RUNX1T1: variants seen among roughly 807,000 people sequenced by gnomAD.
RUNX1T1 encodes RUNX1 partner transcriptional co-repressor 1.
A neutral mutation model predicts 62.8 loss-of-function variants in RUNX1T1; 4 were observed. That is an observed-to-expected ratio of 0.06 (90% CI 0.03 to 0.15). The LOEUF is 0.15. Among genes scored for constraint, RUNX1T1 ranks in the 10% least tolerant of loss-of-function variants. The pLI, the probability that RUNX1T1 is intolerant of heterozygous loss-of-function variation, is 1.00. For synonymous variants in RUNX1T1, 291 were observed against 286.0 expected (o/e 1.02, Z -0.18); for missense variants, 508 against 754.3 (o/e 0.67, Z 3.82).
intron 1 of RUNX1T1, among the ~76,000 whole-genome samples, chr8:92,040,398 G>A (rs1828222741): frequency 6.6e-6 from 1 of 152,098 alleles, no homozygotes; most frequent in South Asian, 2.1e-4. Flanking sequence ...TTAAAAGGCC[G>A]AGTCTACATC....
chr8:91,989,829 T>C (rs997220060), intron 6 of RUNX1T1, among the ~76,000 whole-genome samples: 2 of 152,186 alleles, frequency 1.3e-5, no homozygotes. Context: ...GATCAAGAAA[T>C]AGCATAACCA....
At chr8:92,012,422 G>C (rs1478544936) in intron 3 of RUNX1T1, among the ~76,000 whole-genome samples, 1 of 152,004 alleles carries the variant, frequency 6.6e-6, no homozygotes, top group Admixed American at 6.6e-5. Context: ...TAGTTTCAGG[G>C]GAGGCTGGGA....
At chr8:92,018,803 G>A (rs752823041) in intron 1 of RUNX1T1, among the ~76,000 whole-genome samples, 16 of 152,100 alleles carry the variant, frequency 1.1e-4, no homozygotes, top group Non-Finnish European at 1.9e-4. Flanking sequence ...ATAAGAGAAT[G>A]AAAATAATCA....
chr8:92,003,421 C>T, intron 5 of RUNX1T1: 1 of 455,362 alleles, frequency 2.2e-6, no homozygotes, highest in Non-Finnish European at 4.4e-6. Flanking sequence ...TTTTCATATT[C>T]CCTGTTATGG....
chr8:91,966,316 G>T (rs889691678), intron 10 of RUNX1T1, among the ~76,000 whole-genome samples: 3 of 151,956 alleles, frequency 2.0e-5, no homozygotes, highest in African/African-American at 7.3e-5. Context: ...TACACAGGTG[G>T]CATTTCCAGT....
At chr8:92,003,208 C>A in intron 5 of RUNX1T1, 1 of 374,826 alleles carries the variant, frequency 2.7e-6, no homozygotes, top group Non-Finnish European at 5.4e-6. Context: ...CTGATGCATG[C>A]ACAGCGACAG....
chr8:91,981,615 C>A (rs866041309), intron 8 of RUNX1T1, among the ~76,000 whole-genome samples: 9 of 151,640 alleles, frequency 5.9e-5, no homozygotes, highest in Admixed American at 6.6e-5. Flanking sequence ...CGGGGTTTCA[C>A]CGTGTTAGCC....
chr8:91,959,685 G>A lies in RUNX1T1; in HGVS notation c.*557C>T, dbSNP rs373322292. 6.0e-4 allele frequency: 138 copies of A among 228,256 alleles called. 1 individual carries two copies. The South Asian group carries it at 0.024, about 39-fold the overall frequency. The allele number at this position is 228,256 out of a possible 1,614,324, so 14.1% of individuals were successfully genotyped here. A position where few individuals can be genotyped will look rare whatever the true frequency, so the allele number is the denominator to read the frequency against. ...CTTCCAATCTGCTGCACATCTGCGC[G>A]TTTTGTAGCGGGTCTTCAAAGTTCA... is the stretch of plus-strand genomic sequence containing the variant. On this transcript the variant is annotated 3_prime_UTR_variant, in exon 11 of 11. Transcript: ENST00000396218.
intron 3 of RUNX1T1, among the ~76,000 whole-genome samples, chr8:92,012,035 G>A (rs1251248765): frequency 1.3e-5 from 2 of 152,104 alleles, no homozygotes; most frequent in African/African-American, 4.8e-5. Context: ...GTGACCTAAC[G>A]TCATTACAAT....
At chr8:92,051,366 T>C (rs1830201355) in intron 1 of RUNX1T1, among the ~76,000 whole-genome samples, 1 of 152,144 alleles carries the variant, frequency 6.6e-6, no homozygotes, top group Admixed American at 6.6e-5. Flanking sequence ...TACAAATGAT[T>C]CCACAAGGCA....
chr8:92,036,021 C>A (rs376279189), intron 1 of RUNX1T1, among the ~76,000 whole-genome samples: 11 of 152,250 alleles, frequency 7.2e-5, no homozygotes, highest in Non-Finnish European at 1.6e-4. Context: ...AATGTAGCCT[C>A]ATTTCTATTT....
intron 10 of RUNX1T1, among the ~76,000 whole-genome samples, chr8:91,961,061 CCTCT>C (rs926590467): frequency 3.3e-5 from 5 of 152,320 alleles, no homozygotes; most frequent in Admixed American, 1.3e-4. Context: ...AGTCCTTTAA[CCTCT>C]CTATGTCTTT....
chr8:92,041,851 C>T (rs1052084639), intron 1 of RUNX1T1, among the ~76,000 whole-genome samples: 1 of 147,852 alleles, frequency 6.8e-6, no homozygotes, highest in Non-Finnish European at 1.5e-5. Flanking sequence ...GATAGTCTCT[C>T]TCTGTTGTCC....
At chr8:92,027,882 T>C (rs919841691) in intron 1 of RUNX1T1, among the ~76,000 whole-genome samples, 7 of 152,068 alleles carry the variant, frequency 4.6e-5, no homozygotes, top group Non-Finnish European at 8.8e-5. Context: ...GAATTCCCCT[T>C]CCCTTCCTCT....
chr8:91,957,762 C>T (rs1415017108), downstream of RUNX1T1: 2 of 225,566 alleles, frequency 8.9e-6, no homozygotes, highest in African/African-American at 2.2e-5. Context: ...AGAGTGAGGT[C>T]AAAGGATTCT....
chr8:92,016,500 C>T (rs1050169004), intron 2 of RUNX1T1, among the ~76,000 whole-genome samples: 2 of 152,132 alleles, frequency 1.3e-5, no homozygotes, highest in Non-Finnish European at 2.9e-5. Flanking sequence ...CATGGTGAAA[C>T]CCCGTATCTA....
At chr8:92,041,903 C>T (rs1587253420) in intron 1 of RUNX1T1, among the ~76,000 whole-genome samples, 1 of 150,204 alleles carries the variant, frequency 6.7e-6, no homozygotes, top group East Asian at 2.0e-4. Context: ...ACTGCAACCT[C>T]TGCCTCCCAG....
chr8:92,005,193 G>A, exon 5 of RUNX1T1: 1 of 1,614,054 alleles, frequency 6.2e-7, no homozygotes, highest in Non-Finnish European at 8.5e-7. Context: ...AGGTGGTGCT[G>A]GCATCCAGAA....
chr8:92,035,277 A>G (rs1158658753), intron 1 of RUNX1T1, among the ~76,000 whole-genome samples: 5 of 150,248 alleles, frequency 3.3e-5, no homozygotes, highest in Admixed American at 1.3e-4. Context: ...TCTGAGCGAT[A>G]AGAGTGAAAT....
Sources: allele counts gnomAD v4.1 joint callset (sites outside exome capture counted in the v4.1 genomes callset), GRCh38; gene constraint gnomAD v4.1.1; transcripts MANE v1.5; gene names NCBI Gene and HGNC (gene_info 2026-07-23, HGNC 2026-07-21).